GLCE: variants seen among roughly 807,000 people sequenced by gnomAD.
GLCE encodes glucuronic acid epimerase.
Under a neutral mutation model 47.9 loss-of-function variants are expected in GLCE, and 19 were observed. The observed-to-expected ratio is 0.40, with a 90% confidence interval of 0.28 to 0.58. GLCE has a LOEUF of 0.58. Ranked by LOEUF, GLCE falls within the 20% of genes least tolerant of loss-of-function variation. GLCE has a pLI of 0.48. For missense variants in GLCE, 556 were observed against 743.3 expected, an observed-to-expected ratio of 0.75 and a Z score of 2.93; for synonymous variants, 245 against 263.4, an observed-to-expected ratio of 0.93 and a Z score of 0.68.
intron 2 of GLCE, among the ~76,000 whole-genome samples, chr15:69,230,413 G>A (rs1026151927): frequency 6.6e-6 from 1 of 152,024 alleles, no homozygotes; most frequent in African/African-American, 2.4e-5. Context: ...CCCTAATAAT[G>A]GAGCATTAAA....
intron 1 of GLCE, among the ~76,000 whole-genome samples, chr15:69,189,668 C>T (rs1017934027): frequency 1.1e-4 from 16 of 152,062 alleles, no homozygotes; most frequent in African/African-American, 1.9e-4. Flanking sequence ...CTTTTGGTTT[C>T]GTTGACTTTT....
chr15:69,171,183 A>G (rs1027282500), intron 1 of GLCE, among the ~76,000 whole-genome samples: 6 of 152,154 alleles, frequency 3.9e-5, no homozygotes, highest in East Asian at 1.9e-4. Flanking sequence ...TTAAAAACCA[A>G]TCACCCTCAA....
intron 2 of GLCE, among the ~76,000 whole-genome samples, chr15:69,225,465 T>C (rs2052433941): frequency 6.6e-6 from 1 of 152,336 alleles, no homozygotes; most frequent in Non-Finnish European, 1.5e-5. Context: ...GCAGTTGTTA[T>C]GCCTCTTGTT....
In GLCE at chr15:69,169,405, CT is replaced by C. The variant is rs563830124; in HGVS notation, c.-105+8656del. Among the ~76,000 whole-genome samples the C allele has an allele frequency of 4.6e-5, 7 of 151,556 alleles. No homozygotes were observed. The East Asian group carries it at 5.8e-4, about 13-fold the overall frequency. On this transcript the variant is annotated intron_variant, in intron 1 of 4. Coordinates refer to ENST00000261858, the MANE Select transcript of GLCE (RefSeq NM_015554.3). ...TATACACACATATACACACATAATT[CT>C]TTTTTTTAATTATACTTTAAGTTCT...
intron 1 of GLCE, among the ~76,000 whole-genome samples, chr15:69,207,049 T>G (rs2052162272): frequency 6.6e-6 from 1 of 152,098 alleles, no homozygotes; most frequent in East Asian, 1.9e-4. Context: ...TCTGTAACTT[T>G]CCTTTCTAAC....
At chr15:69,263,715 G>T (rs1203094954) in intron 4 of GLCE, among the ~76,000 whole-genome samples, 1 of 151,864 alleles carries the variant, frequency 6.6e-6, no homozygotes, top group African/African-American at 2.4e-5. Context: ...AGGCTTCTTG[G>T]GAGCTTCTCT....
intron 1 of GLCE, among the ~76,000 whole-genome samples, chr15:69,208,941 A>G (rs997805668): frequency 6.6e-6 from 1 of 152,090 alleles, no homozygotes; most frequent in African/African-American, 2.4e-5. Context: ...ATGTACAGAA[A>G]TGTGATTGAT....
intron 2 of GLCE, among the ~76,000 whole-genome samples, chr15:69,232,702 G>C (rs2043622003): frequency 6.6e-6 from 1 of 152,160 alleles, no homozygotes; most frequent in African/African-American, 2.4e-5. Flanking sequence ...TAGCAGAGTA[G>C]AATTTGAGGG....
chr15:69,271,469 A>G lies in GLCE; in HGVS notation c.*2225A>G, dbSNP rs1427702762. ...ATTCTGATGCAGGTGAGCTGGGGGC[A>G]TACAGGGAGGAACACTGCCCTGGAC... On this transcript the variant is annotated 3_prime_UTR_variant, in exon 5 of 5. Transcript: ENST00000261858. The G allele has an allele frequency of 2.0e-5, 3 of 152,666 alleles. No homozygotes were observed. The highest frequency in any genetic ancestry group is 7.2e-5 in the African/African-American group (3 of 41,466). The allele number at this position is 152,666 out of a possible 1,614,324, so 9.5% of individuals were successfully genotyped here. A position where few individuals can be genotyped will look rare whatever the true frequency, so the allele number is the denominator to read the frequency against.
At chr15:69,180,076 T>A (rs561998486) in intron 1 of GLCE, among the ~76,000 whole-genome samples, 1 of 152,240 alleles carries the variant, frequency 6.6e-6, no homozygotes, top group South Asian at 2.1e-4. Flanking sequence ...ATCAGAAAAA[T>A]CTTCATGGAA....
intron 1 of GLCE, among the ~76,000 whole-genome samples, chr15:69,172,898 A>G (rs1388267066): frequency 2.0e-5 from 3 of 152,224 alleles, no homozygotes; most frequent in Non-Finnish European, 2.9e-5. Flanking sequence ...GTTACGAAAT[A>G]TGTTATAAGA....
At chr15:69,189,720 G>A (rs1006145157) in intron 1 of GLCE, among the ~76,000 whole-genome samples, 1 of 151,978 alleles carries the variant, frequency 6.6e-6, no homozygotes, top group Admixed American at 6.6e-5. Flanking sequence ...TTTCATTCCT[G>A]CTCATCTATC....
intron 1 of GLCE, among the ~76,000 whole-genome samples, chr15:69,201,185 A>G (rs1474216766): frequency 6.6e-6 from 1 of 152,104 alleles, no homozygotes; most frequent in Non-Finnish European, 1.5e-5. Context: ...CTCCCATCTC[A>G]AGTTCCTTAA....
At chr15:69,203,050 A>G (rs1482454394) in intron 1 of GLCE, among the ~76,000 whole-genome samples, 2 of 152,172 alleles carry the variant, frequency 1.3e-5, no homozygotes, top group African/African-American at 4.8e-5. Context: ...GAAGGAAAGT[A>G]GTAGCTACTT....
In GLCE at chr15:69,270,244, A is replaced by G. The variant is rs1409388243; in HGVS notation, c.*1000A>G. The stretch of plus-strand genomic sequence containing the variant: ...AATACTATATGCAAGAAATCATAGC[A>G]AAGTTTTTTTTTCCTACCAAGATCA... On this transcript the variant is annotated 3_prime_UTR_variant, in exon 5 of 5. Coordinates refer to ENST00000261858, the MANE Select transcript of GLCE (RefSeq NM_015554.3). 6.6e-6 allele frequency: 1 copy of G among 152,142 alleles called. No individual in the cohort carries two copies. Among genetic ancestry groups the G allele is most frequent in the African/African-American group, 2.4e-5 (1 of 41,426 alleles). 9.4% of individuals were successfully genotyped at this position (152,142 alleles called of 1,614,324 possible). A position where few individuals can be genotyped will look rare whatever the true frequency, so the allele number is the denominator to read the frequency against.
At chr15:69,191,628 C>T (rs1417607958) in intron 1 of GLCE, among the ~76,000 whole-genome samples, 1 of 152,170 alleles carries the variant, frequency 6.6e-6, no homozygotes, top group Non-Finnish European at 1.5e-5. Context: ...AGGTAAGCGT[C>T]CTCTGCCTAG....
rs539391444 is a variant in GLCE at position 69,256,130 on chromosome 15, C to T, written c.324C>T (p.Asp108=). 4 of 1,613,936 alleles carry T rather than the reference C, an allele frequency of 2.5e-6. No individual in the cohort carries two copies. In the South Asian group the frequency reaches 4.4e-5, roughly 18 times the overall value. Residue 108 remains aspartate, a synonymous_variant, in exon 3 of 5, where the codon GAC becomes GAT. Transcript: ENST00000261858. ...TAGGGCTCAAATATGAAGAAATTGA[C>T]TGTCTCATAAATGATGAACACACAA... ...KVLGLKYEEI[D]CLINDEHTIK...
chr15:69,166,772 T>C (rs1323739613), intron 1 of GLCE, among the ~76,000 whole-genome samples: 1 of 149,568 alleles, frequency 6.7e-6, no homozygotes, highest in Non-Finnish European at 1.5e-5. Flanking sequence ...ATACAAAAAT[T>C]AGCCGGGCGT....
At chr15:69,210,073 G>A (rs1454082655) in intron 1 of GLCE, among the ~76,000 whole-genome samples, 2 of 152,112 alleles carry the variant, frequency 1.3e-5, no homozygotes, top group Non-Finnish European at 2.9e-5. Context: ...CATTTGGGCT[G>A]TATTATGTTC....
Sources: gnomAD v4.1 joint callset for allele counts (sites outside exome capture counted in the v4.1 genomes callset) on GRCh38, gnomAD v4.1.1 for gene constraint, MANE v1.5 for transcripts, NCBI Gene and HGNC (gene_info 2026-07-23, HGNC 2026-07-21) for gene names.